ATXN7: variants seen among roughly 807,000 people sequenced by gnomAD.
ATXN7 encodes the protein ataxin 7.
In ATXN7, 12 loss-of-function variants were observed where a neutral mutation model predicts 70.5. The observed-to-expected ratio is 0.17, with a 90% CI of 0.11 to 0.28. The LOEUF (loss-of-function observed/expected upper bound fraction) is 0.28. Ranked by LOEUF, ATXN7 falls within the 10% of genes least tolerant of loss-of-function variation. The pLI is 1.00. For synonymous variants in ATXN7, 498 were observed against 448.7 expected (o/e 1.11, Z -1.39); for missense variants, 1,256 against 1,131.7 (o/e 1.11, Z -1.58).
At chr3:63,926,631 G>A (rs1451975222) in intron 4 of ATXN7, among the ~76,000 whole-genome samples, 1 of 152,090 alleles carries the variant, frequency 6.6e-6, no homozygotes, top group East Asian at 1.9e-4. Flanking sequence ...ATCCTTTACT[G>A]TTGCCTACAG....
At chr3:63,918,442 T>G (rs963355439) in intron 4 of ATXN7, among the ~76,000 whole-genome samples, 2 of 152,232 alleles carry the variant, frequency 1.3e-5, no homozygotes, top group South Asian at 4.1e-4. Flanking sequence ...CTGTTTCTTA[T>G]GAACAATTTG....
intron 4 of ATXN7, among the ~76,000 whole-genome samples, chr3:63,925,822 A>G (rs912018551): frequency 3.9e-5 from 6 of 152,164 alleles, no homozygotes; most frequent in African/African-American, 1.4e-4. Context: ...AGAGTTAGCC[A>G]GTCTGGTGTG....
intron 4 of ATXN7, 134 bp downstream of exon 4, chr3:63,913,359 G>A: frequency 2.2e-6 from 2 of 910,726 alleles, no homozygotes; most frequent in Non-Finnish European, 3.4e-6. Flanking sequence ...TGCCTGAGGA[G>A]GGAGGGAGGG....
intron 4 of ATXN7, among the ~76,000 whole-genome samples, chr3:63,940,600 T>A (rs2074741963): frequency 6.6e-6 from 1 of 152,154 alleles, no homozygotes; most frequent in South Asian, 2.1e-4. Flanking sequence ...ATCGAGCCCT[T>A]ATGTGTACAC....
intron 1 of ATXN7, among the ~76,000 whole-genome samples, chr3:63,872,559 A>C (rs1342412526): frequency 6.6e-6 from 1 of 152,200 alleles, no homozygotes; most frequent in Non-Finnish European, 1.5e-5. Context: ...CTTAAGAGTC[A>C]CACAGTACCA....
At chr3:63,935,479 G>C (rs1039646986) in intron 4 of ATXN7, among the ~76,000 whole-genome samples, 1 of 152,112 alleles carries the variant, frequency 6.6e-6, no homozygotes, top group Non-Finnish European at 1.5e-5. Context: ...CACACTCGAT[G>C]GCAGCTTTGA....
upstream of ATXN7, chr3:63,863,273 C>T: frequency 4.5e-6 from 1 of 221,610 alleles, no homozygotes; most frequent in Non-Finnish European, 7.6e-6. Flanking sequence ...AGACGAGTCC[C>T]GAAATTCCCG....
intron 5 of ATXN7, among the ~76,000 whole-genome samples, chr3:63,979,357 T>G (rs764398401): frequency 7.9e-5 from 12 of 152,216 alleles, no homozygotes; most frequent in Non-Finnish European, 1.0e-4. Flanking sequence ...CTGGAAAATT[T>G]CAGCACAGAT....
chr3:63,894,585 C>T (rs1703388721), intron 1 of ATXN7, among the ~76,000 whole-genome samples: 1 of 152,158 alleles, frequency 6.6e-6, no homozygotes, highest in Non-Finnish European at 1.5e-5. Flanking sequence ...AGTACAGTTG[C>T]ATGATCATGG....
intron 4 of ATXN7, among the ~76,000 whole-genome samples, chr3:63,932,453 T>C (rs2074566102): frequency 6.6e-6 from 1 of 152,166 alleles, no homozygotes; most frequent in Non-Finnish European, 1.5e-5. Context: ...TAAGGGCAAA[T>C]GGGAGACAGA....
chr3:63,911,232 T>C (rs1704003468), intron 2 of ATXN7, among the ~76,000 whole-genome samples: 3 of 152,166 alleles, frequency 2.0e-5, no homozygotes, highest in South Asian at 4.1e-4. Context: ...TCAACAATTA[T>C]TGAAAGTGGT....
chr3:63,942,753 C>T (rs2074792777), intron 4 of ATXN7, among the ~76,000 whole-genome samples: 1 of 152,172 alleles, frequency 6.6e-6, no homozygotes, highest in Non-Finnish European at 1.5e-5. Flanking sequence ...ACATACATAG[C>T]ACATGCTCCA....
At chr3:63,997,189 CG>C (rs1397471419) in intron 12 of ATXN7, among the ~76,000 whole-genome samples, 2 of 152,020 alleles carry the variant, frequency 1.3e-5, no homozygotes, top group Non-Finnish European at 2.9e-5. Flanking sequence ...ACACGGGAGG[CG>C]GAAGTTGCAG....
chr3:63,910,826 A>ATGTG (rs143497786), intron 2 of ATXN7, among the ~76,000 whole-genome samples: 1 of 150,730 alleles, frequency 6.6e-6, no homozygotes, highest in Admixed American at 6.6e-5. Flanking sequence ...TAAAATAAAA[A>ATGTG]TGTGTGTGTG....
At chr3:63,996,518 C>T (rs765756393) in intron 12 of ATXN7, 35 bp downstream of exon 12, 9 of 1,595,074 alleles carry the variant, frequency 5.6e-6, no homozygotes, top group African/African-American at 2.7e-5. Flanking sequence ...TGGGAATGCC[C>T]ATTTCTTCTC....
At chr3:63,888,654 T>C (rs1443051880) in intron 1 of ATXN7, among the ~76,000 whole-genome samples, 1 of 152,174 alleles carries the variant, frequency 6.6e-6, no homozygotes, top group Non-Finnish European at 1.5e-5. Context: ...CAAGTGCCTA[T>C]AATCCCAGTT....
At chr3:63,863,358 A>T, upstream of ATXN7, 3 of 808,988 alleles carry the variant, frequency 3.7e-6, no homozygotes, top group Non-Finnish European at 4.5e-6. Flanking sequence ...GCCCGGCACC[A>T]CTGTCCACCC....
At chr3:63,878,417 C>T (rs1386378613) in intron 1 of ATXN7, 1 of 152,216 alleles carries the variant, frequency 6.6e-6, no homozygotes, top group Non-Finnish European at 1.5e-5. Context: ...TCAGTATTCT[C>T]CTGCACTGAC....
At position 63,995,952 on chromosome 3, in the gene ATXN7, T is replaced by C; in HGVS notation, c.2130T>C (p.Ser710=). The C allele has an allele frequency of 1.2e-6, 2 of 1,614,094 alleles. No individual in the cohort carries two copies. The highest frequency in any genetic ancestry group is 8.5e-7 in the Non-Finnish European group (1 of 1,179,980). ...GCTCAGGAAAGAAACGCAAAAACAG[T>C]TCCCCACTGTTGGTTCACTCTTCCT... ...SGGSGKKRKN[S]SPLLVHSSSS... is the part of the protein sequence containing the mutation. Residue 710 remains serine (S), a synonymous_variant, in exon 12 of 13, where the codon AGT becomes AGC. Coordinates refer to ENST00000674280, the MANE Select transcript of ATXN7 (RefSeq NM_001377405.1).
Sources: allele counts gnomAD v4.1 joint callset (sites outside exome capture counted in the v4.1 genomes callset), GRCh38; gene constraint gnomAD v4.1.1; transcripts MANE v1.5; gene names NCBI Gene and HGNC (gene_info 2026-07-23, HGNC 2026-07-21).